Variants in DLGAP4 observed in about 807,000 individuals in gnomAD.
The protein encoded by DLGAP4 is DLG associated protein 4, also known as disks large-associated protein 4.
In DLGAP4, 18 loss-of-function variants were observed where a neutral mutation model predicts 86.9. The ratio of observed to expected loss-of-function variants is 0.21; its 90% confidence interval spans 0.14 to 0.31. The LOEUF (loss-of-function observed/expected upper bound fraction) is 0.31, where lower values mean the gene tolerates loss of function less well. Among genes scored for constraint, DLGAP4 ranks in the 10% least tolerant of loss-of-function variants. The pLI, the probability that DLGAP4 is intolerant of heterozygous loss-of-function variation, is 1.00. For synonymous variants in DLGAP4, 548 were observed against 574.3 expected (o/e 0.95, Z 0.65); for missense variants, 1,085 against 1,362.6 (o/e 0.80, Z 3.21).
At position 36,326,436 on chromosome 20, in the gene DLGAP4, G is replaced by A. The variant is rs547388257; in HGVS notation, c.-304+19924G>A. ...ATCTACACTTTAAACTTATTGCAGT[G>A]TACTTTCAAGTGATATTATATCAGT... On this transcript the variant is annotated intron_variant, in intron 1 of 12. Transcript: ENST00000339266. Among the ~76,000 whole-genome samples the A allele has an allele frequency of 2.9e-4, 44 of 152,216 alleles. No individual in the cohort carries two copies. The South Asian group carries it at 8.5e-3, about 29-fold the overall frequency.
chr20:36,468,370 G>A (rs949215544), intron 7 of DLGAP4, among the ~76,000 whole-genome samples: 2 of 152,270 alleles, frequency 1.3e-5, no homozygotes, highest in African/African-American at 4.8e-5. Flanking sequence ...AGTGACGGAG[G>A]CTAGGACTCA....
At chr20:36,412,539 G>A (rs2032528426) in intron 2 of DLGAP4, among the ~76,000 whole-genome samples, 1 of 152,210 alleles carries the variant, frequency 6.6e-6, no homozygotes. Context: ...TCCCAGCTCT[G>A]ACACCTGTGT....
intron 7 of DLGAP4, among the ~76,000 whole-genome samples, chr20:36,489,416 C>T (rs1488130654): frequency 2.0e-5 from 3 of 152,206 alleles, no homozygotes; most frequent in Non-Finnish European, 4.4e-5. Flanking sequence ...ACAGAGCTAG[C>T]TCCCTGAGCT....
At chr20:36,424,753 T>G (rs1454929883) in intron 2 of DLGAP4, among the ~76,000 whole-genome samples, 5 of 144,174 alleles carry the variant, frequency 3.5e-5, no homozygotes, top group Non-Finnish European at 7.7e-5. Context: ...TTTTTTTTTT[T>G]GAGACAGAGT....
intron 8 of DLGAP4, 31 bp downstream of exon 8, chr20:36,497,097 A>C (rs1271016916): frequency 3.2e-6 from 5 of 1,553,866 alleles, no homozygotes; most frequent in Non-Finnish European, 4.4e-6. Context: ...CTGTGTCCTC[A>C]GCCCACTCCG....
chr20:36,413,670 C>T (rs949485372), intron 2 of DLGAP4, among the ~76,000 whole-genome samples: 7 of 151,722 alleles, frequency 4.6e-5, no homozygotes, highest in South Asian at 2.1e-4. Flanking sequence ...CCACCCTCCT[C>T]GATCTCCCAA....
intron 2 of DLGAP4, among the ~76,000 whole-genome samples, chr20:36,427,361 C>T (rs191222870): frequency 6.1e-4 from 93 of 152,060 alleles, no homozygotes; most frequent in African/African-American, 2.2e-3. Context: ...ACCTGTAGTC[C>T]CAGCTACTCA....
Position 36,402,704 on chromosome 20 carries a change from A to T in DLGAP4, c.-72-28942A>T, listed in dbSNP as rs368621081. Among the ~76,000 whole-genome samples the T allele has an allele frequency of 2.6e-5, 4 of 152,170 alleles. No individual in the cohort carries two copies. The East Asian group carries it at 5.8e-4, about 22-fold the overall frequency. ...TCCAAGCTGTAGTGGCTATGATCACAAACTCCAGCCTGGGTGATAGGGCAA... is the reference window on the plus strand; with the variant it reads ...TCCAAGCTGTAGTGGCTATGATCACTAACTCCAGCCTGGGTGATAGGGCAA... On this transcript the variant is annotated intron_variant, in intron 2 of 12. Coordinates refer to ENST00000339266, the MANE Select transcript of DLGAP4 (RefSeq NM_001365621.2).
At chr20:36,493,724 C>T (rs974810961) in intron 7 of DLGAP4, among the ~76,000 whole-genome samples, 14 of 152,188 alleles carry the variant, frequency 9.2e-5, no homozygotes, top group African/African-American at 2.2e-4. Flanking sequence ...GTGGCTGTGC[C>T]GTGGAGCAGA....
chr20:36,443,652 A>G (rs561397794), intron 6 of DLGAP4, among the ~76,000 whole-genome samples: 3 of 152,122 alleles, frequency 2.0e-5, no homozygotes, highest in East Asian at 3.9e-4. Flanking sequence ...AGTGGTAAGG[A>G]TGTGATGCGT....
chr20:36,446,712 C>A lies in DLGAP4; in HGVS notation c.1423C>A (p.Leu475Met). 6.2e-7 allele frequency: 1 copy of A among 1,605,166 alleles called. No individual in the cohort carries two copies. The highest frequency in any genetic ancestry group is 8.5e-7 in the Non-Finnish European group (1 of 1,173,486). ...GCCTGGACAGGTACGGGAGGCAGAGCTGAGTGACCAGTATGAGGCGGCCTG... is the reference window on the plus strand; with the variant it reads ...GCCTGGACAGGTACGGGAGGCAGAGATGAGTGACCAGTATGAGGCGGCCTG... ...GHEQQVREAE[L>M]SDQYEAACES... The change falls in exon 7 of 13, where the codon CTG becomes ATG. Residue 475 changes from leucine to methionine, a missense_variant. Physicochemically the swap from Leu to Met is conservative, Grantham distance 15 (BLOSUM62 2). This residue lies in a region of DLGAP4 where 1,082 missense variants were observed against 1,344.1 expected (regional missense o/e 0.81). Coordinates refer to ENST00000339266, the MANE Select transcript of DLGAP4 (RefSeq NM_001365621.2).
intron 7 of DLGAP4, among the ~76,000 whole-genome samples, chr20:36,482,763 C>T (rs1265134334): frequency 6.6e-6 from 1 of 152,072 alleles, no homozygotes; most frequent in South Asian, 2.1e-4. Context: ...CCTCTGTCTC[C>T]CGGGTTCAAG....
intron 10 of DLGAP4, among the ~76,000 whole-genome samples, chr20:36,510,653 C>T (rs930464041): frequency 1.3e-5 from 2 of 152,058 alleles, no homozygotes; most frequent in Non-Finnish European, 2.9e-5. Context: ...TCAAGTGATC[C>T]GCCTGCCTCG....
At chr20:36,448,378 A>AG (rs755696890) in intron 7 of DLGAP4, among the ~76,000 whole-genome samples, 2 of 152,134 alleles carry the variant, frequency 1.3e-5, no homozygotes, top group Admixed American at 6.6e-5. Context: ...AATCAAAACC[A>AG]AGGAAAAACA....
chr20:36,463,499 CTGGTTAT>C (rs2034195058), intron 7 of DLGAP4, among the ~76,000 whole-genome samples: 1 of 152,216 alleles, frequency 6.6e-6, no homozygotes, highest in South Asian at 2.1e-4. Context: ...TCCCCACTAC[CTGGTTAT>C]TCGAGAATGC....
Position 36,431,840 on chromosome 20 carries a change from C to T in DLGAP4, c.123C>T (p.Ala41=), listed in dbSNP as rs1232031847. 6.2e-7 allele frequency: 1 copy of T among 1,613,988 alleles called. No individual in the cohort carries two copies. Among genetic ancestry groups the T allele is most frequent in the Non-Finnish European group, 8.5e-7 (1 of 1,179,958 alleles). ...TGCTGTCGCCCACGGAGGCCTTCGC[C>T]CGCGAGGCCCGCTTCCCCGGGCAGA... is the stretch of plus-strand genomic sequence containing the variant. The part of the protein sequence containing the change: ...PYLLSPTEAF[A]REARFPGQNT... Residue 41 remains alanine, a synonymous_variant, in exon 3 of 13, where the codon GCC becomes GCT. Transcript: ENST00000339266. The surrounding 1 kb of genome is among the most constrained non-coding windows in gnomAD (Gnocchi z 5.1).
intron 1 of DLGAP4, among the ~76,000 whole-genome samples, chr20:36,311,064 T>TA (rs1454702880): frequency 6.6e-6 from 1 of 152,126 alleles, no homozygotes; most frequent in Admixed American, 6.5e-5. Flanking sequence ...CTGAAGCCTT[T>TA]AGGGGTGTGC....
intron 7 of DLGAP4, among the ~76,000 whole-genome samples, chr20:36,484,723 G>T (rs6022170): frequency 0.061 from 9,306 of 152,336 alleles, 1,000 homozygotes; most frequent in African/African-American, 0.21. Flanking sequence ...AGGAGGCTCT[G>T]ATGGACAGTC....
chr20:36,424,010 G>A (rs893572199), intron 2 of DLGAP4, among the ~76,000 whole-genome samples: 4 of 152,084 alleles, frequency 2.6e-5, no homozygotes, highest in South Asian at 4.1e-4. Flanking sequence ...AGAGGAAACC[G>A]AGGCTCAGGG....
Sources: gnomAD v4.1 joint callset for allele counts (sites outside exome capture counted in the v4.1 genomes callset) on GRCh38, gnomAD v4.1.1 for gene constraint, gnomAD v4.1.1 regional missense constraint, Gnocchi (gnomAD v3.1) non-coding constraint, MANE v1.5 for transcripts, NCBI Gene and HGNC (gene_info 2026-07-23, HGNC 2026-07-21) for gene names.